Variants in CBFA2T2 observed in about 807,000 individuals in gnomAD.
CBFA2T2 encodes the protein protein CBFA2T2.
A neutral mutation model predicts 62.2 loss-of-function variants in CBFA2T2; 11 were observed. The ratio of observed to expected loss-of-function variants is 0.18; its 90% confidence interval spans 0.11 to 0.29. The LOEUF (loss-of-function observed/expected upper bound fraction) is 0.29, where lower values mean the gene tolerates loss of function less well. Ranked by LOEUF, CBFA2T2 falls within the 10% of genes least tolerant of loss-of-function variation. The pLI is 1.00. For missense variants in CBFA2T2, 592 were observed against 774.1 expected (o/e 0.76, Z 2.79); for synonymous variants, 295 against 287.5 (o/e 1.03, Z -0.27).
At chr20:33,545,003 AAT>A (rs2012506840) in intron 1 of CBFA2T2, among the ~76,000 whole-genome samples, 1 of 151,696 alleles carries the variant, frequency 6.6e-6, no homozygotes, top group Non-Finnish European at 1.5e-5. Flanking sequence ...AATAGAATAG[AAT>A]AGAATAGAAC....
intron 1 of CBFA2T2, among the ~76,000 whole-genome samples, chr20:33,587,645 T>C (rs1306686790): frequency 6.6e-6 from 1 of 152,106 alleles, no homozygotes; most frequent in Non-Finnish European, 1.5e-5. Flanking sequence ...ATGATCCGCC[T>C]GCCTCAGCCT....
chr20:33,571,180 C>CAG (rs963844284), intron 1 of CBFA2T2, among the ~76,000 whole-genome samples: 28 of 152,300 alleles, frequency 1.8e-4, no homozygotes, highest in African/African-American at 6.7e-4. Context: ...GGAGGGGGGA[C>CAG]AGAGAATTGG....
At chr20:33,516,103 G>A (rs1031826230) in intron 1 of CBFA2T2, among the ~76,000 whole-genome samples, 1 of 151,774 alleles carries the variant, frequency 6.6e-6, no homozygotes, top group African/African-American at 2.4e-5. Flanking sequence ...TCACTGCACT[G>A]TGCCTGAGAG....
chr20:33,587,163 C>A (rs2014403208), intron 1 of CBFA2T2, among the ~76,000 whole-genome samples: 1 of 152,120 alleles, frequency 6.6e-6, no homozygotes, highest in African/African-American at 2.4e-5. Flanking sequence ...AGGCTGTTCT[C>A]AAACTCCTGA....
At chr20:33,545,077 C>A (rs555618567) in intron 1 of CBFA2T2, among the ~76,000 whole-genome samples, 13 of 152,244 alleles carry the variant, frequency 8.5e-5, no homozygotes, top group African/African-American at 3.1e-4. Flanking sequence ...TTTGTGGTTT[C>A]TTTACTCCAA....
intron 1 of CBFA2T2, among the ~76,000 whole-genome samples, chr20:33,570,685 C>A (rs1463551936): frequency 1.3e-5 from 2 of 152,046 alleles, no homozygotes; most frequent in African/African-American, 4.8e-5. Context: ...TGGGGGTTTC[C>A]TTCTGTGGCC....
At chr20:33,555,416 G>A (rs1342046709) in intron 1 of CBFA2T2, among the ~76,000 whole-genome samples, 4 of 152,108 alleles carry the variant, frequency 2.6e-5, no homozygotes, top group Non-Finnish European at 5.9e-5. Flanking sequence ...ACACTTTTTT[G>A]TCATGGATGG....
intron 1 of CBFA2T2, among the ~76,000 whole-genome samples, chr20:33,565,065 A>G (rs1600977704): frequency 6.6e-6 from 1 of 151,888 alleles, no homozygotes; most frequent in Admixed American, 6.6e-5. Flanking sequence ...GACTACAGGC[A>G]CCCGCCACCA....
chr20:33,621,625 C>G (rs2015991173), intron 4 of CBFA2T2, among the ~76,000 whole-genome samples: 1 of 152,208 alleles, frequency 6.6e-6, no homozygotes, highest in East Asian at 1.9e-4. Context: ...TTAACAAAGC[C>G]TAAAATATTT....
At chr20:33,518,511 C>T (rs1426153633) in intron 1 of CBFA2T2, among the ~76,000 whole-genome samples, 2 of 151,690 alleles carry the variant, frequency 1.3e-5, no homozygotes, top group African/African-American at 4.8e-5. Flanking sequence ...TCCTGTAATC[C>T]CCACACTTTG....
chr20:33,540,909 T>C (rs2146877787), intron 1 of CBFA2T2, among the ~76,000 whole-genome samples: 1 of 152,314 alleles, frequency 6.6e-6, no homozygotes, highest in South Asian at 2.1e-4. Flanking sequence ...GTGGTGCTAT[T>C]CACATAGAAT....
chr20:33,506,352 G>C (rs2011403427), intron 1 of CBFA2T2, among the ~76,000 whole-genome samples: 1 of 152,028 alleles, frequency 6.6e-6, no homozygotes, highest in Non-Finnish European at 1.5e-5. Flanking sequence ...TACACACAGA[G>C]ACACAGGTCC....
At chr20:33,510,104 A>G (rs1351393934) in intron 1 of CBFA2T2, among the ~76,000 whole-genome samples, 1 of 151,910 alleles carries the variant, frequency 6.6e-6, no homozygotes, top group Non-Finnish European at 1.5e-5. Flanking sequence ...GTTTGCTCAG[A>G]ATGATGGTTT....
chr20:33,556,290 T>C (rs2012896630), intron 1 of CBFA2T2, among the ~76,000 whole-genome samples: 1 of 152,246 alleles, frequency 6.6e-6, no homozygotes, highest in Non-Finnish European at 1.5e-5. Context: ...TTAGTTTGGG[T>C]TTCGTTGCCG....
chr20:33,490,105 G>C lies in CBFA2T2; in HGVS notation c.-163G>C. ...GCGGCCTAACGGCGGCGGCGGCGGC[G>C]GCGACGGCGACAGCAGCGGTGGTGG... is the stretch of plus-strand genomic sequence containing the variant. On this transcript the variant is annotated 5_prime_UTR_variant, in exon 1 of 11. Transcript: ENST00000342704. The C allele has an allele frequency of 1.5e-6, 1 of 677,904 alleles. No homozygotes were observed. 42.0% of individuals were successfully genotyped at this position (677,904 alleles called of 1,614,324 possible). A position where few individuals can be genotyped will look rare whatever the true frequency, so the allele number is the denominator to read the frequency against.
At chr20:33,524,566 C>A (rs747875447) in intron 1 of CBFA2T2, among the ~76,000 whole-genome samples, 10 of 151,784 alleles carry the variant, frequency 6.6e-5, no homozygotes, top group Non-Finnish European at 1.3e-4. Flanking sequence ...TTCTCATTTT[C>A]AAATAAAATA....
chr20:33,499,938 T>C (rs749599935), intron 1 of CBFA2T2, among the ~76,000 whole-genome samples: 18 of 152,140 alleles, frequency 1.2e-4, no homozygotes, highest in Non-Finnish European at 2.1e-4. Context: ...TCATTATGCA[T>C]TGAGTGTCCA....
rs191511293 is a variant in CBFA2T2 at position 33,515,464 on chromosome 20, A to G, written c.34+25163A>G. 4.2e-4 allele frequency among the ~76,000 whole-genome samples: 64 copies of G among 151,852 alleles called. 1 individual carries two copies. The highest frequency in any genetic ancestry group is 1.2e-3 in the Admixed American group (18 of 15,200). On this transcript the variant is annotated intron_variant, in intron 1 of 10. Transcript: ENST00000342704. The stretch of plus-strand genomic sequence containing the variant: ...AATGAGGGATAATGTTATTTATGCT[A>G]TAATATCTACCTATTATTTATTCTG...
intron 1 of CBFA2T2, among the ~76,000 whole-genome samples, chr20:33,535,737 T>C (rs895256032): frequency 1.3e-5 from 2 of 151,326 alleles, no homozygotes; most frequent in Admixed American, 6.6e-5. Flanking sequence ...GGCAGGGTCA[T>C]AGGACAATAG....
Sources: allele counts gnomAD v4.1 joint callset (sites outside exome capture counted in the v4.1 genomes callset), GRCh38; gene constraint gnomAD v4.1.1; transcripts MANE v1.5; gene names NCBI Gene and HGNC (gene_info 2026-07-23, HGNC 2026-07-21).